Variants in CXADR observed in about 807,000 individuals in gnomAD.
The protein encoded by CXADR is CXADR cell adhesion molecule, also known as coxsackievirus and adenovirus receptor.
A neutral mutation model predicts 40.3 loss-of-function variants in CXADR; 20 were observed. That is an observed-to-expected ratio of 0.50 (90% CI 0.35 to 0.72). CXADR has a LOEUF of 0.72. CXADR is among the 30% of genes least tolerant of loss of function. The pLI is 0.01. For missense variants in CXADR, 332 were observed against 449.1 expected (o/e 0.74, Z 2.36); for synonymous variants, 150 against 161.3 (o/e 0.93, Z 0.53).
At chr21:17,532,273 T>C (rs2060688368) in intron 1 of CXADR, among the ~76,000 whole-genome samples, 1 of 152,214 alleles carries the variant, frequency 6.6e-6, no homozygotes, top group Admixed American at 6.5e-5. Context: ...GGGCTTGATC[T>C]TTTAGTCTCT....
chr21:17,550,025 G>T (rs1323294652), intron 2 of CXADR, among the ~76,000 whole-genome samples: 2 of 152,122 alleles, frequency 1.3e-5, no homozygotes, highest in East Asian at 1.9e-4. Flanking sequence ...TAGCAAACTG[G>T]TATTGAGCGC....
At chr21:17,536,769 C>G (rs1360416200) in intron 1 of CXADR, among the ~76,000 whole-genome samples, 5 of 151,740 alleles carry the variant, frequency 3.3e-5, no homozygotes, top group Non-Finnish European at 5.9e-5. Context: ...TATTTTTTTT[C>G]TTTTTGAGAC....
At chr21:17,575,452 A>T (rs993985326) in intron 7 of CXADR, among the ~76,000 whole-genome samples, 5 of 150,952 alleles carry the variant, frequency 3.3e-5, no homozygotes, top group Non-Finnish European at 7.4e-5. Flanking sequence ...AAGTCCTGGG[A>T]TTACAGGTGT....
intron 1 of CXADR, among the ~76,000 whole-genome samples, chr21:17,526,357 A>G (rs2060598339): frequency 6.6e-6 from 1 of 152,032 alleles, no homozygotes; most frequent in Non-Finnish European, 1.5e-5. Flanking sequence ...ATAGTTTCTT[A>G]TTTCTTACTT....
chr21:17,606,417 TCTAGTATGTAAAA>T, the CXADR span, among the ~76,000 whole-genome samples: 1 of 152,264 alleles, frequency 6.6e-6, no homozygotes, highest in East Asian at 1.9e-4. Flanking sequence ...AAAATTATTT[TCTAGTATGTAAAA>T]TACTGCTTAG....
intron 1 of CXADR, among the ~76,000 whole-genome samples, chr21:17,528,262 G>T (rs1169488379): frequency 6.6e-6 from 1 of 151,648 alleles, no homozygotes; most frequent in Non-Finnish European, 1.5e-5. Context: ...TTTTAGTAAA[G>T]ACGGGGTTTC....
At chr21:17,538,744 G>C (rs1204355420) in intron 1 of CXADR, among the ~76,000 whole-genome samples, 1 of 152,184 alleles carries the variant, frequency 6.6e-6, no homozygotes, top group Admixed American at 6.5e-5. Flanking sequence ...CTTGAGCCCA[G>C]GGGTTTGAGG....
chr21:17,580,545 G>A (rs1278968015), intron 7 of CXADR, among the ~76,000 whole-genome samples: 2 of 152,158 alleles, frequency 1.3e-5, no homozygotes, highest in African/African-American at 2.4e-5. Flanking sequence ...AGGAGGTCAA[G>A]GCTGCAGTGA....
At chr21:17,619,831 A>C in the CXADR span, among the ~76,000 whole-genome samples, 4 of 151,762 alleles carry the variant, frequency 2.6e-5, no homozygotes, top group Non-Finnish European at 5.9e-5. Flanking sequence ...TTGCACTTTT[A>C]TGTTATGGAG....
intron 3 of CXADR, among the ~76,000 whole-genome samples, chr21:17,554,425 A>G (rs548114430): frequency 1.4e-4 from 21 of 152,298 alleles, no homozygotes; most frequent in African/African-American, 4.8e-4. Context: ...GCATTGACAC[A>G]GTTCACCCTG....
At chr21:17,577,412 G>A (rs550554311) in intron 7 of CXADR, among the ~76,000 whole-genome samples, 30 of 151,930 alleles carry the variant, frequency 2.0e-4, no homozygotes, top group Admixed American at 5.9e-4. Context: ...TTAAGTTGAC[G>A]TTCCATAACT....
intron 3 of CXADR, among the ~76,000 whole-genome samples, chr21:17,553,475 A>G (rs962243228): frequency 2.0e-5 from 3 of 152,206 alleles, no homozygotes; most frequent in Non-Finnish European, 2.9e-5. Context: ...AAGTAAGTCA[A>G]TCTAAAAAAG....
At chr21:17,519,068 G>C in intron 1 of CXADR, 1 of 990,326 alleles carries the variant, frequency 1.0e-6, no homozygotes, top group Non-Finnish European at 1.6e-6. Flanking sequence ...TGCCCGATAT[G>C]CCCCCTCTTA....
intron 1 of CXADR, among the ~76,000 whole-genome samples, chr21:17,531,405 C>T (rs1392863891): frequency 2.6e-5 from 4 of 151,836 alleles, no homozygotes; most frequent in Admixed American, 6.6e-5. Context: ...TGTGTTAGTG[C>T]CATCTCATTA....
chr21:17,594,985 T>TA, downstream of CXADR, among the ~76,000 whole-genome samples: 1 of 150,696 alleles, frequency 6.6e-6, no homozygotes, highest in African/African-American at 2.4e-5. Flanking sequence ...TGTGTATCCC[T>TA]AAACCTAAAA....
chr21:17,594,306 A>C (rs1171276893), downstream of CXADR: 2 of 1,612,896 alleles, frequency 1.2e-6, no homozygotes, highest in Middle Eastern at 1.6e-4. Context: ...GCCACATTGG[A>C]AGAGGTGGAA....
At chr21:17,516,891 A>G (rs755077336) in intron 1 of CXADR, among the ~76,000 whole-genome samples, 5 of 152,242 alleles carry the variant, frequency 3.3e-5, no homozygotes, top group Non-Finnish European at 5.9e-5. Flanking sequence ...CAAGGCACAC[A>G]TATTTCAAAA....
chr21:17,614,449 T>G, the CXADR span, among the ~76,000 whole-genome samples: 7 of 152,280 alleles, frequency 4.6e-5, no homozygotes, highest in South Asian at 1.5e-3. Flanking sequence ...AAATGACTTT[T>G]AAAAAATTCT....
At chr21:17,610,275 T>A in the CXADR span, among the ~76,000 whole-genome samples, 1 of 152,242 alleles carries the variant, frequency 6.6e-6, no homozygotes, top group African/African-American at 2.4e-5. Flanking sequence ...ACTTTGTGAA[T>A]ATACTAAAAC....
Sources: gnomAD v4.1 joint callset for allele counts (sites outside exome capture counted in the v4.1 genomes callset) on GRCh38, gnomAD v4.1.1 for gene constraint, MANE v1.5 for transcripts, NCBI Gene and HGNC (gene_info 2026-07-23, HGNC 2026-07-21) for gene names.